Variants in RBFOX1 observed in about 807,000 individuals in gnomAD.
RBFOX1 encodes the protein RNA binding protein fox-1 homolog 1.
In RBFOX1, 8 loss-of-function variants were observed where a neutral mutation model predicts 57.7. The ratio of observed to expected loss-of-function variants is 0.14; its 90% CI spans 0.08 to 0.25. The LOEUF (loss-of-function observed/expected upper bound fraction) is 0.25. Among genes scored for constraint, RBFOX1 ranks in the 10% least tolerant of loss-of-function variants. The pLI is 1.00. For missense variants in RBFOX1, 611 were observed against 548.5 expected, an observed-to-expected ratio of 1.11 and a Z score of -1.14; for synonymous variants, 326 against 222.4, an observed-to-expected ratio of 1.47 and a Z score of -4.15.
At chr16:5,670,137 C>T (rs1457018816) in intron 3 of RBFOX1, among the ~76,000 whole-genome samples, 1 of 151,496 alleles carries the variant, frequency 6.6e-6, no homozygotes, top group Non-Finnish European at 1.5e-5. Flanking sequence ...CAGCCAAATT[C>T]ATAGCGACAG....
intron 3 of RBFOX1, among the ~76,000 whole-genome samples, chr16:5,856,208 CATATATATGTAT>C (rs1235677126): frequency 1.4e-4 from 4 of 28,560 alleles, no homozygotes; most frequent in African/African-American, 2.4e-4. Context: ...TATATATATA[CATATATATGTAT>C]ATATATATGT....
chr16:6,640,452 TGC>T (rs1482768401), intron 2 of RBFOX1, among the ~76,000 whole-genome samples: 19 of 151,790 alleles, frequency 1.3e-4, no homozygotes, highest in African/African-American at 1.2e-4. Flanking sequence ...CTGCTAAAAA[TGC>T]AGAAATTAGC....
chr16:7,275,603 T>G (rs2095425081), intron 4 of RBFOX1, among the ~76,000 whole-genome samples: 3 of 152,236 alleles, frequency 2.0e-5, no homozygotes, highest in Non-Finnish European at 2.9e-5. Flanking sequence ...CCTGCTAATT[T>G]AGATGGTAGG....
chr16:7,613,705 G>C (rs1221707421), intron 10 of RBFOX1, among the ~76,000 whole-genome samples: 2 of 151,868 alleles, frequency 1.3e-5, no homozygotes, highest in Non-Finnish European at 2.9e-5. Flanking sequence ...GTCTATGAAG[G>C]CTCCCTCACA....
At chr16:6,172,729 A>G (rs1180819058) in intron 1 of RBFOX1, among the ~76,000 whole-genome samples, 1 of 152,206 alleles carries the variant, frequency 6.6e-6, no homozygotes, top group Non-Finnish European at 1.5e-5. Context: ...ATCACAAACA[A>G]TGTAAGCTGC....
intron 1 of RBFOX1, among the ~76,000 whole-genome samples, chr16:5,290,367 A>T (rs1294046626): frequency 2.0e-5 from 3 of 152,000 alleles, no homozygotes; most frequent in Non-Finnish European, 4.4e-5. Context: ...AAAAAAGTAG[A>T]TTGTCAGGGC....
At chr16:5,422,146 G>GGAT (rs1036230859) in intron 1 of RBFOX1, among the ~76,000 whole-genome samples, 80 of 152,166 alleles carry the variant, frequency 5.3e-4, no homozygotes, top group African/African-American at 1.9e-3. Flanking sequence ...GTATGTTTTA[G>GGAT]GATGCTGAAT....
At chr16:7,026,294 C>T (rs8050721) in intron 3 of RBFOX1, among the ~76,000 whole-genome samples, 4 of 152,146 alleles carry the variant, frequency 2.6e-5, no homozygotes, top group African/African-American at 9.7e-5. Context: ...AGATTGCCAC[C>T]AGGCCATGTT....
intron 2 of RBFOX1, among the ~76,000 whole-genome samples, chr16:6,353,691 T>C (rs1396203831): frequency 2.0e-5 from 3 of 152,154 alleles, no homozygotes; most frequent in East Asian, 1.9e-4. Context: ...TTCCCTGTAG[T>C]GTCACTTGGT....
At chr16:6,388,939 A>G (rs530314833) in intron 2 of RBFOX1, among the ~76,000 whole-genome samples, 2 of 152,288 alleles carry the variant, frequency 1.3e-5, no homozygotes, top group Admixed American at 6.5e-5. Context: ...GTGGAGATGG[A>G]GAGTTCAGGA....
At chr16:5,585,444 C>G (rs1004541996) in intron 2 of RBFOX1, among the ~76,000 whole-genome samples, 3 of 152,124 alleles carry the variant, frequency 2.0e-5, no homozygotes, top group Non-Finnish European at 4.4e-5. Flanking sequence ...GCTTTGGGCT[C>G]TCTTGGGATT....
chr16:5,569,585 C>T lies in RBFOX1; in HGVS notation c.259-29317C>T, dbSNP rs1483482776. The stretch of plus-strand genomic sequence containing the variant: ...GTGGATACATACCATCCCCATTTCA[C>T]AGATGAGGAAGCTGAGATTTAGAGA... On this transcript the variant is annotated intron_variant, in intron 2 of 2. Transcript: ENST00000585867. Among the ~76,000 whole-genome samples the T allele has an allele frequency of 2.0e-5, 3 of 151,750 alleles. No individual in the cohort carries two copies. In the East Asian group the frequency reaches 5.9e-4, roughly 30 times the overall value.
chr16:7,000,625 A>G (rs1353408613), intron 3 of RBFOX1, among the ~76,000 whole-genome samples: 2 of 101,944 alleles, frequency 2.0e-5, no homozygotes, highest in African/African-American at 8.7e-5. Context: ...TTTGAGACAG[A>G]GTCTCGCTCT....
chr16:7,427,130 G>T (rs74516634), intron 4 of RBFOX1, among the ~76,000 whole-genome samples: 1 of 152,102 alleles, frequency 6.6e-6, no homozygotes, highest in African/African-American at 2.4e-5. Flanking sequence ...TGGGGGGAGC[G>T]GAGAGGGATA....
chr16:6,201,887 A>G (rs1157720160), intron 1 of RBFOX1, among the ~76,000 whole-genome samples: 1 of 152,196 alleles, frequency 6.6e-6, no homozygotes, highest in East Asian at 1.9e-4. Flanking sequence ...TTGCATGTTC[A>G]AAACAAGCAT....
intron 3 of RBFOX1, among the ~76,000 whole-genome samples, chr16:6,685,096 C>A (rs1459558255): frequency 6.6e-6 from 1 of 152,152 alleles, no homozygotes; most frequent in African/African-American, 2.4e-5. Flanking sequence ...CATCATTTCC[C>A]TATTTCCTGT....
At chr16:5,348,720 T>C (rs1423698664) in intron 1 of RBFOX1, among the ~76,000 whole-genome samples, 1 of 152,232 alleles carries the variant, frequency 6.6e-6, no homozygotes, top group Admixed American at 6.5e-5. Context: ...TGGTTAATAA[T>C]GAGGACCCCT....
intron 2 of RBFOX1, among the ~76,000 whole-genome samples, chr16:5,530,467 T>C (rs891611160): frequency 6.6e-6 from 1 of 152,158 alleles, no homozygotes; most frequent in Non-Finnish European, 1.5e-5. Flanking sequence ...CAATAGGACA[T>C]GCATTTCACC....
At chr16:5,654,778 T>C (rs932206097) in intron 3 of RBFOX1, among the ~76,000 whole-genome samples, 8 of 152,194 alleles carry the variant, frequency 5.3e-5, no homozygotes, top group African/African-American at 7.2e-5. Context: ...CCTTCCTCCT[T>C]CTTCCTTCTT....
Sources: allele counts gnomAD v4.1 joint callset (sites outside exome capture counted in the v4.1 genomes callset), GRCh38; gene constraint gnomAD v4.1.1; transcripts MANE v1.5; gene names NCBI Gene and HGNC (gene_info 2026-07-23, HGNC 2026-07-21).